Variants in ATP10A observed in about 807,000 individuals in gnomAD.
ATP10A encodes ATPase phospholipid transporting 10A (putative), also known as phospholipid-transporting ATPase VA.
ATP10A carries 111 observed loss-of-function variants against 147.8 expected under a neutral mutation model. The ratio of observed to expected loss-of-function variants is 0.75; its 90% CI spans 0.64 to 0.88. ATP10A has a LOEUF of 0.88. ATP10A is among the 40% of genes least tolerant of loss of function. ATP10A has a pLI of 0.00. For synonymous variants in ATP10A, 875 were observed against 841.6 expected, an observed-to-expected ratio of 1.04 and a Z score of -0.69; for missense variants, 1,927 against 1,959.0, an observed-to-expected ratio of 0.98 and a Z score of 0.31.
intron 15 of ATP10A, among the ~76,000 whole-genome samples, chr15:25,690,282 T>C (rs1389448875): frequency 6.6e-6 from 1 of 151,190 alleles, no homozygotes; most frequent in Non-Finnish European, 1.5e-5. Flanking sequence ...CTCATTGTAT[T>C]GCCCAAGCTT....
chr15:25,714,600 C>T (rs943223465), intron 9 of ATP10A, among the ~76,000 whole-genome samples: 2 of 152,020 alleles, frequency 1.3e-5, no homozygotes, highest in Non-Finnish European at 2.9e-5. Context: ...ACGTGATTGC[C>T]GAGGGCCCAT....
rs79153142 is a variant in ATP10A at position 25,711,813 on chromosome 15, G to A, written c.2344+1861C>T. Among the ~76,000 whole-genome samples the A allele has an allele frequency of 1.0e-3, 152 of 152,316 alleles. 3 individuals are homozygous for A. The East Asian group carries it at 0.027, about 27-fold the overall frequency. On this transcript the variant is annotated intron_variant, in intron 10 of 20. Coordinates refer to ENST00000555815, the MANE Select transcript of ATP10A (RefSeq NM_024490.4). ...AGCAAAGCCACGCTGACGATGCCAG[G>A]TCTGAGAGGCTCCCCGGCCTGGGCA...
chr15:25,837,509 G>GA (rs754432221), intron 1 of ATP10A, among the ~76,000 whole-genome samples: 5 of 152,200 alleles, frequency 3.3e-5, no homozygotes, highest in South Asian at 2.1e-4. Context: ...GAGAAATGCG[G>GA]AGACGGTAGT....
At chr15:25,753,511 C>A (rs1888259554) in intron 2 of ATP10A, among the ~76,000 whole-genome samples, 1 of 150,634 alleles carries the variant, frequency 6.6e-6, no homozygotes, top group African/African-American at 2.4e-5. Flanking sequence ...TAGGTTGATT[C>A]CCTGAGACCC....
intron 14 of ATP10A, among the ~76,000 whole-genome samples, chr15:25,693,268 C>T (rs180887808): frequency 7.0e-4 from 107 of 152,306 alleles, no homozygotes; most frequent in Admixed American, 2.2e-3. Context: ...AGTGATCTTC[C>T]TGCCTTGGCC....
chr15:25,775,464 G>A (rs1426390943), intron 2 of ATP10A, among the ~76,000 whole-genome samples: 1 of 152,234 alleles, frequency 6.6e-6, no homozygotes, highest in Non-Finnish European at 1.5e-5. Context: ...CCCTGTCTCC[G>A]CCTTGGCATC....
intron 1 of ATP10A, among the ~76,000 whole-genome samples, chr15:25,846,135 T>C (rs931674421): frequency 2.0e-5 from 3 of 152,044 alleles, no homozygotes; most frequent in African/African-American, 7.2e-5. Context: ...GCAGAACGGT[T>C]GTTGCCAGGG....
chr15:25,706,422 C>T (rs1394883449), intron 12 of ATP10A, among the ~76,000 whole-genome samples: 1 of 152,176 alleles, frequency 6.6e-6, no homozygotes, highest in Non-Finnish European at 1.5e-5. Flanking sequence ...TTCACCCTCA[C>T]AAGAGCCCAA....
intron 1 of ATP10A, among the ~76,000 whole-genome samples, chr15:25,856,762 GACA>G (rs759934046): frequency 2.2e-4 from 34 of 151,626 alleles, no homozygotes; most frequent in Middle Eastern, 3.2e-3. Flanking sequence ...CCAAAACAAC[GACA>G]ACAACAACAA....
At chr15:25,849,049 A>T (rs1206212678) in intron 1 of ATP10A, among the ~76,000 whole-genome samples, 1 of 151,964 alleles carries the variant, frequency 6.6e-6, no homozygotes, top group Admixed American at 6.5e-5. Flanking sequence ...CCTTGGTGAG[A>T]GGAGGGAGAG....
chr15:25,700,838 T>TA (rs1177648621), intron 13 of ATP10A, among the ~76,000 whole-genome samples: 2 of 151,952 alleles, frequency 1.3e-5, no homozygotes, highest in African/African-American at 2.4e-5. Context: ...TACTATATGC[T>TA]AATTATAGAT....
At chr15:25,717,800 G>A (rs1295625041) in intron 8 of ATP10A, among the ~76,000 whole-genome samples, 4 of 152,240 alleles carry the variant, frequency 2.6e-5, no homozygotes, top group African/African-American at 9.6e-5. Flanking sequence ...ACAAGGCCAG[G>A]CAGAAAGTAT....
At chr15:25,739,912 G>T (rs1887490186) in intron 2 of ATP10A, among the ~76,000 whole-genome samples, 1 of 152,152 alleles carries the variant, frequency 6.6e-6, no homozygotes, top group African/African-American at 2.4e-5. Context: ...TTGCGTTTCT[G>T]CTAGAGACCG....
At chr15:25,708,433 C>G in intron 10 of ATP10A, 133 bp from the exon 11 acceptor site, 1 of 685,126 alleles carries the variant, frequency 1.5e-6, no homozygotes, top group Non-Finnish European at 2.5e-6. Context: ...GAATTCAAAG[C>G]AAAAATGAGC....
rs1340164205 is a variant in ATP10A, at chr15:25,862,912, T to C, written c.185A>G (p.Asn62Ser). 5.6e-6 allele frequency: 9 copies of C among 1,608,410 alleles called. No individual in the cohort carries two copies. Among genetic ancestry groups the C allele is most frequent in the South Asian group, 2.2e-5 (2 of 90,482 alleles). ...RRGCAQHLADNRLKTTKYTLL... is the reference protein window; with the variant it reads ...RRGCAQHLADSRLKTTKYTLL... ...CGTGTACTTGGTAGTCTTGAGCCGGTTGTCGGCCAGGTGCTGGGCACACCC... is the reference window on the plus strand; with the variant it reads ...CGTGTACTTGGTAGTCTTGAGCCGGCTGTCGGCCAGGTGCTGGGCACACCC... The change falls in exon 1 of 21, where the codon AAC becomes AGC. Residue 62 changes from asparagine (N) to serine (S), a missense_variant. Coordinates refer to ENST00000555815, the MANE Select transcript of ATP10A (RefSeq NM_024490.4).
At chr15:25,856,765 A>G (rs8030612) in intron 1 of ATP10A, among the ~76,000 whole-genome samples, 2,891 of 152,044 alleles carry the variant, frequency 0.019, 87 homozygotes, top group East Asian at 0.14. Context: ...AAACAACGAC[A>G]ACAACAACAA....
At chr15:25,722,001 C>A (rs1217563532) in intron 6 of ATP10A, 92 bp from the exon 7 acceptor site, 1 of 1,392,770 alleles carries the variant, frequency 7.2e-7, no homozygotes. Flanking sequence ...ATGACTACAA[C>A]CGCAAGAAAG....
intron 20 of ATP10A, 66 bp downstream of exon 20, chr15:25,680,055 G>GA: frequency 6.3e-7 from 1 of 1,589,124 alleles, no homozygotes; most frequent in Non-Finnish European, 8.6e-7. Context: ...ACATAGAGCA[G>GA]AAGCAATGCC....
intron 4 of ATP10A, 149 bp from the exon 5 acceptor site, chr15:25,726,231 A>C: frequency 1.3e-6 from 1 of 781,222 alleles, no homozygotes; most frequent in Non-Finnish European, 1.9e-6. Flanking sequence ...AATTAATCTT[A>C]CTTCCTGTTG....
Sources: gnomAD v4.1 joint callset for allele counts (sites outside exome capture counted in the v4.1 genomes callset) on GRCh38, gnomAD v4.1.1 for gene constraint, MANE v1.5 for transcripts, NCBI Gene and HGNC (gene_info 2026-07-23, HGNC 2026-07-21) for gene names.